DOCK4: variants seen among roughly 807,000 people sequenced by gnomAD.
DOCK4 encodes the protein dedicator of cytokinesis 4.
Under a neutral mutation model 268.1 loss-of-function variants are expected in DOCK4, and 97 were observed. The observed-to-expected ratio is 0.36, with a 90% CI of 0.31 to 0.43. DOCK4 has a LOEUF of 0.43. Ranked by LOEUF, DOCK4 falls within the 20% of genes least tolerant of loss-of-function variation. The pLI is 1.00. For missense variants in DOCK4, 2,145 were observed against 2,455.7 expected (o/e 0.87, Z 2.67); for synonymous variants, 954 against 887.2 (o/e 1.08, Z -1.34).
intron 23 of DOCK4, among the ~76,000 whole-genome samples, chr7:111,849,730 T>A (rs1472752226): frequency 1.3e-5 from 2 of 152,156 alleles, no homozygotes; most frequent in East Asian, 3.9e-4. Context: ...AAGCTAGGTG[T>A]TCCACTGGAG....
At chr7:111,983,866 A>G (rs946224607) in intron 7 of DOCK4, among the ~76,000 whole-genome samples, 42 of 144,436 alleles carry the variant, frequency 2.9e-4, no homozygotes, top group South Asian at 4.3e-4. Flanking sequence ...GCGCGCGCAC[A>G]CACACACACA....
chr7:112,148,286 T>A (rs2560643), intron 1 of DOCK4, among the ~76,000 whole-genome samples: 75,820 of 151,894 alleles, frequency 0.5, 19,080 homozygotes, highest in South Asian at 0.65. Context: ...TCCAGAGTGC[T>A]GGCAGAGGGA....
At chr7:111,999,168 C>CA (rs1237151935) in intron 3 of DOCK4, among the ~76,000 whole-genome samples, 1 of 152,018 alleles carries the variant, frequency 6.6e-6, no homozygotes, top group Non-Finnish European at 1.5e-5. Flanking sequence ...AAATGAGCAT[C>CA]AATTTGATTG....
At chr7:112,204,693 TAC>T (rs951437526) in intron 1 of DOCK4, among the ~76,000 whole-genome samples, 2 of 151,942 alleles carry the variant, frequency 1.3e-5, no homozygotes, top group African/African-American at 4.8e-5. Flanking sequence ...TGTTGAATCC[TAC>T]AGTCCTTTCA....
chr7:112,075,788 A>AC (rs1227511071), intron 1 of DOCK4, among the ~76,000 whole-genome samples: 4 of 152,156 alleles, frequency 2.6e-5, no homozygotes, highest in African/African-American at 9.7e-5. Flanking sequence ...ATTTAAAAAA[A>AC]AAAAACTTAC....
chr7:112,122,986 C>G (rs1240755201), intron 1 of DOCK4, among the ~76,000 whole-genome samples: 1 of 152,200 alleles, frequency 6.6e-6, no homozygotes, highest in Admixed American at 6.5e-5. Flanking sequence ...AGGCAAATTA[C>G]TCAGGGCAAA....
chr7:112,192,879 G>T (rs1345968855), intron 1 of DOCK4, among the ~76,000 whole-genome samples: 1 of 151,834 alleles, frequency 6.6e-6, no homozygotes, highest in Non-Finnish European at 1.5e-5. Flanking sequence ...AAAAAAAAAT[G>T]CAACAAGTAA....
chr7:111,926,154 AAAAG>A (rs1562894712), intron 12 of DOCK4, among the ~76,000 whole-genome samples: 2 of 140,134 alleles, frequency 1.4e-5, no homozygotes, highest in Admixed American at 7.2e-5. Flanking sequence ...GAAAAAGAGA[AAAAG>A]AAAGAAAAAG....
intron 1 of DOCK4, among the ~76,000 whole-genome samples, chr7:112,008,037 C>A (rs1203962964): frequency 1.3e-5 from 2 of 152,210 alleles, no homozygotes; most frequent in South Asian, 2.1e-4. Context: ...GTGTTTTGAT[C>A]CCTCCATTTC....
intron 6 of DOCK4, among the ~76,000 whole-genome samples, chr7:111,987,508 G>C (rs1379533562): frequency 6.6e-6 from 1 of 152,110 alleles, no homozygotes; most frequent in Non-Finnish European, 1.5e-5. Flanking sequence ...ATAAATATTA[G>C]GCAGCATAGG....
chr7:112,058,465 G>C (rs1024389047), intron 1 of DOCK4, among the ~76,000 whole-genome samples: 2 of 152,142 alleles, frequency 1.3e-5, no homozygotes, highest in Non-Finnish European at 2.9e-5. Flanking sequence ...TGTTTGATGA[G>C]AATCTCTGAT....
In DOCK4 at chr7:111,870,651, C is replaced by T. The variant is rs537691554; in HGVS notation, c.2028-996G>A. On this transcript the variant is annotated intron_variant, in intron 20 of 52. Coordinates refer to ENST00000428084, the MANE Select transcript of DOCK4 (RefSeq NM_001363540.2). ...CTTGGTTTCTAGGAAACAGTTTACC[C>T]AGCAATGTTTCTCTGGGTCAGGGGA... 2.0e-5 allele frequency among the ~76,000 whole-genome samples: 3 copies of T among 152,262 alleles called. No individual in the cohort carries two copies. The East Asian group carries it at 5.8e-4, about 29-fold the overall frequency.
chr7:111,737,554 CATTT>C (rs773195851), intron 49 of DOCK4, among the ~76,000 whole-genome samples: 3 of 152,098 alleles, frequency 2.0e-5, no homozygotes, highest in African/African-American at 7.2e-5. Flanking sequence ...TGTTAAAAAT[CATTT>C]ATTAGGTAAA....
intron 16 of DOCK4, among the ~76,000 whole-genome samples, chr7:111,878,325 A>C (rs904023800): frequency 6.6e-6 from 1 of 152,262 alleles, no homozygotes; most frequent in Non-Finnish European, 1.5e-5. Flanking sequence ...TAAAAAACGT[A>C]GTGATCAGAA....
Position 111,728,324 on chromosome 7 carries a change from C to G in DOCK4, c.5878G>C (p.Asp1960His), listed in dbSNP as rs1794783712. ...SHLENGARRT[D>H]PGPRPRPLPR... ...AGGGGCCTGGGCCGCGGGCCGGGGT[C>G]AGTCCTCCGGGCCCCATTCTCCAGG... Residue 1960 changes from aspartate to histidine, a missense_variant, in exon 53 of 53, where the codon GAC becomes CAC. Transcript: ENST00000428084. 2 of 1,513,982 alleles carry G rather than the reference C, an allele frequency of 1.3e-6. No homozygotes were observed. Among genetic ancestry groups the G allele is most frequent in the Middle Eastern group, 1.8e-4 (1 of 5,520 alleles). The allele number at this position is 1,513,982 out of a possible 1,614,324, so 93.8% of individuals were successfully genotyped here. A position where few individuals can be genotyped will look rare whatever the true frequency, so the allele number is the denominator to read the frequency against.
intron 10 of DOCK4, 48 bp downstream of exon 10, chr7:111,944,763 C>G: frequency 6.5e-7 from 1 of 1,538,026 alleles, no homozygotes; most frequent in Non-Finnish European, 9.0e-7. Context: ...CTTGGCATTT[C>G]TCCTCTCTGT....
intron 1 of DOCK4, among the ~76,000 whole-genome samples, chr7:112,046,521 A>G (rs1171606897): frequency 2.0e-5 from 3 of 152,178 alleles, no homozygotes; most frequent in Non-Finnish European, 4.4e-5. Context: ...TCCAACCAAG[A>G]TGGAACAAAA....
chr7:111,746,194 G>T (rs1301393760), intron 44 of DOCK4, 140 bp downstream of exon 44: 2 of 604,680 alleles, frequency 3.3e-6, no homozygotes, highest in Non-Finnish European at 5.7e-6. Flanking sequence ...TAGCAAGCTG[G>T]GATATATTAC....
chr7:111,798,380 A>G (rs1800045688), intron 30 of DOCK4, among the ~76,000 whole-genome samples: 1 of 152,230 alleles, frequency 6.6e-6, no homozygotes, highest in South Asian at 2.1e-4. Flanking sequence ...ACCTCCTTCT[A>G]AACACTAAAG....
Sources: gnomAD v4.1 joint callset for allele counts (sites outside exome capture counted in the v4.1 genomes callset) on GRCh38, gnomAD v4.1.1 for gene constraint, MANE v1.5 for transcripts, NCBI Gene and HGNC (gene_info 2026-07-23, HGNC 2026-07-21) for gene names.